ERC1: variants seen among roughly 807,000 people sequenced by gnomAD.
ERC1 encodes the protein ELKS/RAB6-interacting/CAST family member 1.
ERC1 carries 56 observed loss-of-function variants against 132.0 expected under a neutral mutation model. That is an observed-to-expected ratio of 0.42 (90% confidence interval 0.34 to 0.53). ERC1 has a LOEUF of 0.53. Among genes scored for constraint, ERC1 ranks in the 20% least tolerant of loss-of-function variants. The probability of loss-of-function intolerance (pLI) is 0.03; values close to 1 mark genes in which losing one functional copy is unlikely to be tolerated. For synonymous variants in ERC1, 478 were observed against 476.1 expected, an observed-to-expected ratio of 1.00 and a Z score of -0.05; for missense variants, 1,202 against 1,349.9, an observed-to-expected ratio of 0.89 and a Z score of 1.72.
chr12:1,094,347 C>G (rs1943723584), intron 3 of ERC1, among the ~76,000 whole-genome samples: 3 of 151,106 alleles, frequency 2.0e-5, no homozygotes, highest in Admixed American at 2.0e-4. Flanking sequence ...CTTAGTTTGT[C>G]TTTTGTAGCA....
intron 1 of ERC1, among the ~76,000 whole-genome samples, chr12:1,013,053 T>G (rs556581888): frequency 4.6e-5 from 7 of 152,332 alleles, no homozygotes. Context: ...TTTGTTCAGC[T>G]TAATCACTGG....
At chr12:996,175 G>A (rs1447699470) in intron 1 of ERC1, among the ~76,000 whole-genome samples, 1 of 145,944 alleles carries the variant, frequency 6.9e-6, no homozygotes, top group African/African-American at 2.5e-5. Context: ...TGCAATCTCC[G>A]CCTCCTGGGT....
At chr12:1,331,122 A>G (rs1056272711) in intron 15 of ERC1, among the ~76,000 whole-genome samples, 20 of 152,238 alleles carry the variant, frequency 1.3e-4, no homozygotes, top group African/African-American at 4.3e-4. Flanking sequence ...AAGAAACAGA[A>G]TATTCCCAAT....
At chr12:1,191,261 TTA>T (rs1955702479) in intron 12 of ERC1, among the ~76,000 whole-genome samples, 5 of 152,272 alleles carry the variant, frequency 3.3e-5, no homozygotes, top group African/African-American at 1.2e-4. Context: ...TGTACATTTT[TTA>T]TGTCTTCATT....
chr12:1,438,972 A>ATATATATATAT (rs1246217572), intron 17 of ERC1, among the ~76,000 whole-genome samples: 10 of 143,924 alleles, frequency 6.9e-5, no homozygotes, highest in African/African-American at 1.4e-4. Context: ...TATATATATA[A>ATATATATATAT]AAAATGACAT....
intron 14 of ERC1, among the ~76,000 whole-genome samples, chr12:1,278,762 C>A (rs1048974117): frequency 6.6e-6 from 1 of 151,944 alleles, no homozygotes; most frequent in African/African-American, 2.4e-5. Context: ...AAATAATTAC[C>A]TTGTGTTTAT....
At chr12:1,357,634 C>T (rs2085670709) in intron 15 of ERC1, among the ~76,000 whole-genome samples, 1 of 152,162 alleles carries the variant, frequency 6.6e-6, no homozygotes, top group Admixed American at 6.5e-5. Flanking sequence ...TTTGAAGGGA[C>T]TACATCTTCA....
At chr12:1,115,424 G>A (rs1000159268) in intron 6 of ERC1, among the ~76,000 whole-genome samples, 4 of 152,158 alleles carry the variant, frequency 2.6e-5, no homozygotes, top group African/African-American at 7.2e-5. Flanking sequence ...AATAGTACTA[G>A]GAGGTTTCTA....
chr12:1,084,255 G>T (rs1289841403), intron 3 of ERC1, among the ~76,000 whole-genome samples: 1 of 152,114 alleles, frequency 6.6e-6, no homozygotes, highest in Non-Finnish European at 1.5e-5. Context: ...AAAATTAATA[G>T]CCATAATAAC....
chr12:1,448,910 C>T (rs2093365389), intron 18 of ERC1, among the ~76,000 whole-genome samples: 1 of 152,250 alleles, frequency 6.6e-6, no homozygotes. Context: ...GTTGTCAGCC[C>T]ATGAAAGCAG....
chr12:1,144,220 C>G, intron 8 of ERC1, among the ~76,000 whole-genome samples: 1 of 152,134 alleles, frequency 6.6e-6, no homozygotes, highest in South Asian at 2.1e-4. Context: ...AAGTATCCAT[C>G]TAAATAAAGT....
At chr12:990,098 AAT>A (rs1317018403), upstream of ERC1, 1 of 152,218 alleles carries the variant, frequency 6.6e-6, no homozygotes, top group African/African-American at 2.4e-5. Flanking sequence ...CTGGTGAGTG[AAT>A]GAATGTGAAG....
chr12:1,251,436 G>T (rs1178981904), intron 13 of ERC1, among the ~76,000 whole-genome samples: 1 of 151,660 alleles, frequency 6.6e-6, no homozygotes, highest in East Asian at 1.9e-4. Flanking sequence ...ATAGAATATT[G>T]TCGTAGGTGA....
chr12:1,208,170 T>C (rs1324529957), intron 12 of ERC1, among the ~76,000 whole-genome samples: 1 of 152,198 alleles, frequency 6.6e-6, no homozygotes, highest in Non-Finnish European at 1.5e-5. Context: ...AGCTACTAAG[T>C]GGCAGAATCT....
intron 1 of ERC1, among the ~76,000 whole-genome samples, chr12:1,022,169 G>C (rs1966486866): frequency 6.6e-6 from 1 of 151,988 alleles, no homozygotes; most frequent in South Asian, 2.1e-4. Flanking sequence ...CTACTTCCTT[G>C]GTCTCCCAAA....
rs116857946 is a variant in ERC1 at position 1,463,173 on chromosome 12, C to T, written c.3213+18423C>T. 2.2e-3 allele frequency among the ~76,000 whole-genome samples: 336 copies of T among 152,310 alleles called. 5 individuals are homozygous for T. The East Asian group carries it at 0.033, about 15-fold the overall frequency. On this transcript the variant is annotated intron_variant, in intron 18 of 18. Transcript: ENST00000360905. Reference sequence around the variant, plus strand: ...TCGGTTTTGCTCACTTACTCTTTAACTTGCACCCCTCTTTTTCCAAGGTGG... The same window carrying T: ...TCGGTTTTGCTCACTTACTCTTTAATTTGCACCCCTCTTTTTCCAAGGTGG...
At chr12:1,162,487 GTT>G (rs60402999) in intron 8 of ERC1, among the ~76,000 whole-genome samples, 7 of 142,012 alleles carry the variant, frequency 4.9e-5, no homozygotes, top group Non-Finnish European at 7.7e-5. Flanking sequence ...TCCTAGGTTT[GTT>G]TTTTTTTTTT....
At chr12:1,352,489 T>G (rs2085092463) in intron 15 of ERC1, among the ~76,000 whole-genome samples, 1 of 152,236 alleles carries the variant, frequency 6.6e-6, no homozygotes, top group Non-Finnish European at 1.5e-5. Flanking sequence ...ATGTATAGTT[T>G]ATGTATTTAT....
intron 11 of ERC1, among the ~76,000 whole-genome samples, chr12:1,186,091 G>A (rs1955061399): frequency 6.6e-6 from 1 of 152,154 alleles, no homozygotes. Flanking sequence ...CTTCCACAAA[G>A]CATTTAACAA....
Sources: allele counts gnomAD v4.1 joint callset (sites outside exome capture counted in the v4.1 genomes callset), GRCh38; gene constraint gnomAD v4.1.1; transcripts MANE v1.5; gene names NCBI Gene and HGNC (gene_info 2026-07-23, HGNC 2026-07-21).